The following TFAP2D variants were observed in gnomAD, a reference collection of about 807,000 sequenced individuals.
The protein encoded by TFAP2D is transcription factor AP-2 delta.
TFAP2D carries 9 observed loss-of-function variants against 43.6 expected under a neutral mutation model. That is an observed-to-expected ratio of 0.21 (90% CI 0.12 to 0.36). The LOEUF is 0.36. Among genes scored for constraint, TFAP2D ranks in the 10% least tolerant of loss-of-function variants. TFAP2D has a pLI of 1.00. For missense variants in TFAP2D, 513 were observed against 561.4 expected (o/e 0.91, Z 0.87); for synonymous variants, 256 against 224.9 (o/e 1.14, Z -1.24).
intron 7 of TFAP2D, among the ~76,000 whole-genome samples, chr6:50,763,516 T>G (rs1437718568): frequency 1.3e-5 from 2 of 152,108 alleles, no homozygotes; most frequent in African/African-American, 4.8e-5. Context: ...AATAACTCAT[T>G]TATAAAAGGA....
At chr6:50,743,590 G>T (rs557998702) in intron 5 of TFAP2D, among the ~76,000 whole-genome samples, 1 of 151,966 alleles carries the variant, frequency 6.6e-6, no homozygotes, top group Non-Finnish European at 1.5e-5. Context: ...TTTCTATGTT[G>T]CCCAGGCTGG....
intron 5 of TFAP2D, among the ~76,000 whole-genome samples, chr6:50,743,541 T>C (rs1192607090): frequency 6.6e-6 from 1 of 151,850 alleles, no homozygotes; most frequent in Non-Finnish European, 1.5e-5. Context: ...CACCACCACA[T>C]CTGACTAATT....
At chr6:50,759,397 G>A (rs941818608) in intron 7 of TFAP2D, among the ~76,000 whole-genome samples, 4 of 151,856 alleles carry the variant, frequency 2.6e-5, no homozygotes, top group Non-Finnish European at 5.9e-5. Context: ...TGATCTCTAA[G>A]GTTCTTTTTA....
At chr6:50,738,379 C>T (rs1197767878) in intron 5 of TFAP2D, among the ~76,000 whole-genome samples, 1 of 151,862 alleles carries the variant, frequency 6.6e-6, no homozygotes, top group Non-Finnish European at 1.5e-5. Context: ...GCATGCAGAA[C>T]TTTTTTACAT....
chr6:50,715,332 A>T lies in TFAP2D; in HGVS notation c.256A>T (p.Thr86Ser). The T allele has an allele frequency of 6.2e-7, 1 of 1,613,628 alleles. No individual in the cohort carries two copies. Among genetic ancestry groups the T allele is most frequent in the Non-Finnish European group, 8.5e-7 (1 of 1,179,874 alleles). The change falls in exon 2 of 8, where the codon ACC becomes TCC. Residue 86 changes from threonine to serine, a missense_variant. Transcript: ENST00000008391. ...YEFQHSHPAV[T>S]PDAYSLNSLH... is the part of the protein sequence containing the mutation. ...GTTTCAGCACAGCCACCCGGCCGTC[A>T]CCCCCGACGCCTACTCTCTGAACTC...
intron 3 of TFAP2D, among the ~76,000 whole-genome samples, chr6:50,726,847 G>T (rs570763163): frequency 3.4e-4 from 52 of 152,292 alleles, no homozygotes; most frequent in African/African-American, 9.9e-4. Context: ...TTTTATTGTT[G>T]TATTTTGGCT....
intron 7 of TFAP2D, among the ~76,000 whole-genome samples, chr6:50,759,013 T>G (rs926434877): frequency 6.6e-6 from 1 of 151,940 alleles, no homozygotes; most frequent in Non-Finnish European, 1.5e-5. Flanking sequence ...TTTGATGAAT[T>G]TTTATGGATT....
Position 50,715,487 on chromosome 6 carries a change from C to T in TFAP2D, c.411C>T (p.Leu137=), listed in dbSNP as rs781312592. The change falls in exon 2 of 8, where the codon CTC becomes CTT. Residue 137 remains leucine (L), a synonymous_variant. Transcript: ENST00000008391. The part of the protein sequence containing the change: ...LDEQRRELGC[L]DAYRRHDLSL... ...AGCAGAGGCGGGAGCTGGGCTGCCT[C>T]GATGCCTACCGCCGCCATGACCTGT... is the stretch of plus-strand genomic sequence containing the variant. The T allele has an allele frequency of 4.3e-6, 7 of 1,613,646 alleles. No individual in the cohort carries two copies. The highest frequency in any genetic ancestry group is 2.2e-5 in the East Asian group (1 of 44,850).
chr6:50,713,836 G>A lies in TFAP2D; in HGVS notation c.-220G>A. 1.6e-6 allele frequency: 1 copy of A among 626,174 alleles called. No homozygotes were observed. The highest frequency in any genetic ancestry group is 2.0e-5 in the South Asian group (1 of 49,262). The allele number at this position is 626,174 out of a possible 1,614,324, so 38.8% of individuals were successfully genotyped here. A position where few individuals can be genotyped will look rare whatever the true frequency, so the allele number is the denominator to read the frequency against. On this transcript the variant is annotated 5_prime_UTR_variant, in exon 1 of 8. Coordinates refer to ENST00000008391, the MANE Select transcript of TFAP2D (RefSeq NM_172238.4). ...AGTACAAAATCTGTTCCAGGGAGCT[G>A]CTTTTGTGCAGAGGGAAAATTTTGT...
chr6:50,719,069 A>G lies in TFAP2D; in HGVS notation c.538-21A>G, dbSNP rs188465314. On this transcript the variant is annotated intron_variant, in intron 2 of 7. Transcript: ENST00000008391. ...TATGAGTATCCATTTAAGTAATTTT[A>G]TTTCTGTTTCTTTTATTAAGGGCTC... 69 of 1,612,206 alleles carry G rather than the reference A, an allele frequency of 4.3e-5. 1 individual carries two copies. The East Asian group carries it at 1.4e-3, about 32-fold the overall frequency.
intron 7 of TFAP2D, among the ~76,000 whole-genome samples, chr6:50,766,618 T>C (rs1769444945): frequency 6.6e-6 from 1 of 150,462 alleles, no homozygotes; most frequent in Admixed American, 6.6e-5. Context: ...TTCTTTTTGA[T>C]ACTATTTATT....
At chr6:50,731,687 A>C (rs1374110241) in intron 5 of TFAP2D, among the ~76,000 whole-genome samples, 2 of 152,040 alleles carry the variant, frequency 1.3e-5, no homozygotes, top group African/African-American at 4.8e-5. Flanking sequence ...TCTACATTGA[A>C]ATAGGCTTCA....
intron 5 of TFAP2D, among the ~76,000 whole-genome samples, chr6:50,731,112 G>T (rs546504524): frequency 6.6e-6 from 1 of 151,972 alleles, no homozygotes; most frequent in Admixed American, 6.6e-5. Flanking sequence ...GGTCAAATAT[G>T]TGGAATCCTA....
chr6:50,714,206 G>T, intron 1 of TFAP2D, 112 bp downstream of exon 1: 5 of 1,106,362 alleles, frequency 4.5e-6, no homozygotes, highest in Non-Finnish European at 1.3e-6. Context: ...AATCTATATT[G>T]GACCGTTACG....
chr6:50,730,006 T>G, intron 5 of TFAP2D, among the ~76,000 whole-genome samples: 1 of 152,212 alleles, frequency 6.6e-6, no homozygotes, highest in East Asian at 1.9e-4. Flanking sequence ...GAAAGGCTTT[T>G]TTTTTAACAT....
At chr6:50,719,285 C>A (rs925172837) in intron 3 of TFAP2D, 135 bp downstream of exon 3, 2 of 901,422 alleles carry the variant, frequency 2.2e-6, no homozygotes, top group African/African-American at 1.7e-5. Flanking sequence ...TTATTCTAGT[C>A]CAACACTGGC....
At chr6:50,723,786 C>A (rs1226543014) in intron 3 of TFAP2D, among the ~76,000 whole-genome samples, 1 of 152,066 alleles carries the variant, frequency 6.6e-6, no homozygotes, top group Admixed American at 6.5e-5. Flanking sequence ...CAGCAGAAAC[C>A]AAAACACTTT....
At chr6:50,742,599 TAGATA>T (rs1315277831) in intron 5 of TFAP2D, among the ~76,000 whole-genome samples, 14 of 151,170 alleles carry the variant, frequency 9.3e-5, no homozygotes, top group African/African-American at 3.4e-4. Flanking sequence ...GATAGATAGA[TAGATA>T]GATAGATAGA....
chr6:50,764,178 A>G (rs1372405393), intron 7 of TFAP2D, among the ~76,000 whole-genome samples: 1 of 152,100 alleles, frequency 6.6e-6, no homozygotes, highest in Non-Finnish European at 1.5e-5. Flanking sequence ...AGATTACCTA[A>G]CAACTTCATT....
Sources: allele counts gnomAD v4.1 joint callset (sites outside exome capture counted in the v4.1 genomes callset), GRCh38; gene constraint gnomAD v4.1.1; transcripts MANE v1.5; gene names NCBI Gene and HGNC (gene_info 2026-07-23, HGNC 2026-07-21).